PDE10A: variants seen among roughly 807,000 people sequenced by gnomAD.
PDE10A encodes the protein phosphodiesterase 10A.
In PDE10A, 39 loss-of-function variants were observed where a neutral mutation model predicts 97.7. The ratio of observed to expected loss-of-function variants is 0.40; its 90% confidence interval spans 0.31 to 0.52. The LOEUF (loss-of-function observed/expected upper bound fraction) is 0.52, where lower values mean the gene tolerates loss of function less well. Ranked by LOEUF, PDE10A falls within the 20% of genes least tolerant of loss-of-function variation. The probability of loss-of-function intolerance (pLI) is 0.56; values close to 1 mark genes in which losing one functional copy is unlikely to be tolerated. For synonymous variants in PDE10A, 371 were observed against 376.8 expected, an observed-to-expected ratio of 0.98 and a Z score of 0.18; for missense variants, 731 against 1,047.8, an observed-to-expected ratio of 0.70 and a Z score of 4.17.
intron 1 of PDE10A, among the ~76,000 whole-genome samples, chr6:165,601,520 T>C (rs939629437): frequency 2.6e-5 from 4 of 152,198 alleles, no homozygotes; most frequent in East Asian, 3.9e-4. Flanking sequence ...AATGAAAGAA[T>C]TGGTAGACTC....
chr6:165,700,581 A>T (rs1791544519), intron 1 of PDE10A, among the ~76,000 whole-genome samples: 1 of 152,194 alleles, frequency 6.6e-6, no homozygotes, highest in African/African-American at 2.4e-5. Flanking sequence ...AGGTAATGTT[A>T]TATAAAATAA....
At chr6:165,373,598 T>C (rs1784409386) in intron 18 of PDE10A, among the ~76,000 whole-genome samples, 1 of 152,036 alleles carries the variant, frequency 6.6e-6, no homozygotes. Context: ...CTGGAGAGGA[T>C]ATGGAGAAAT....
Position 165,921,229 on chromosome 6 carries a change from T to C in PDE10A, c.-615+66300A>G, listed in dbSNP as rs756688670. On this transcript the variant is annotated intron_variant, in intron 1 of 19. Coordinates refer to the PDE10A transcript ENST00000366882. ...AGGGTCACTAGGTTTCAGCTGCCGG[T>C]AGACTGCATAGAAACAGACTTCACT... Among the ~76,000 whole-genome samples the C allele has an allele frequency of 1.4e-4, 21 of 152,372 alleles. No homozygotes were observed. The South Asian group carries it at 1.5e-3, about 11-fold the overall frequency.
intron 1 of PDE10A, among the ~76,000 whole-genome samples, chr6:165,937,822 A>T (rs1783384682): frequency 6.6e-6 from 1 of 152,230 alleles, no homozygotes; most frequent in South Asian, 2.1e-4. Context: ...GAGACAATTA[A>T]GGACCTACAA....
intron 1 of PDE10A, among the ~76,000 whole-genome samples, chr6:165,637,334 T>C (rs1431223129): frequency 1.3e-5 from 2 of 152,140 alleles, no homozygotes; most frequent in Non-Finnish European, 2.9e-5. Flanking sequence ...GCTTCCAGAA[T>C]GTGGCCCTGA....
chr6:165,485,097 A>G (rs540167), intron 2 of PDE10A, among the ~76,000 whole-genome samples: 44,109 of 151,842 alleles, frequency 0.29, 6,740 homozygotes, highest in African/African-American at 0.39. Flanking sequence ...TCCACTGTGT[A>G]TATGTGGTGA....
chr6:165,491,939 T>C (rs1398315185), intron 2 of PDE10A, among the ~76,000 whole-genome samples: 3 of 150,514 alleles, frequency 2.0e-5, no homozygotes, highest in Non-Finnish European at 4.4e-5. Context: ...TTTGAAAACA[T>C]CCATAAAATT....
intron 1 of PDE10A, among the ~76,000 whole-genome samples, chr6:165,543,802 G>A (rs567025061): frequency 2.0e-5 from 3 of 151,914 alleles, no homozygotes; most frequent in South Asian, 2.1e-4. Context: ...GGGAATATAC[G>A]TAATGCCACT....
chr6:165,973,868 T>G (rs1226902513), intron 1 of PDE10A, among the ~76,000 whole-genome samples: 3 of 152,260 alleles, frequency 2.0e-5, no homozygotes, highest in Non-Finnish European at 4.4e-5. Context: ...GGGCAATTTC[T>G]TTCTTCAATA....
intron 18 of PDE10A, among the ~76,000 whole-genome samples, chr6:165,373,166 T>C (rs1377285219): frequency 1.3e-5 from 2 of 151,086 alleles, no homozygotes; most frequent in African/African-American, 2.4e-5. Context: ...GACATAGGCA[T>C]GGGCAAGGAC....
In PDE10A at chr6:165,655,556, C is replaced by T. The variant is rs150401965; in HGVS notation, c.865+6391G>A. On this transcript the variant is annotated intron_variant, in intron 1 of 21. Coordinates refer to ENST00000539869, the MANE Select transcript of PDE10A (RefSeq NM_001385079.1). The surrounding 1 kb of genome is among the most constrained non-coding windows in gnomAD (Gnocchi z 4.5). ...CACCTCCAAACACCTCCTGAACCAC[C>T]GCGGCATTTTGCTTCTACCATCATC... 5.1e-4 allele frequency among the ~76,000 whole-genome samples: 77 copies of T among 152,228 alleles called. 1 individual carries two copies. Among genetic ancestry groups the T allele is most frequent in the Non-Finnish European group, 2.4e-4 (16 of 68,018 alleles).
chr6:165,740,630 G>C (rs1792697956), intron 1 of PDE10A, among the ~76,000 whole-genome samples: 1 of 152,114 alleles, frequency 6.6e-6, no homozygotes, highest in African/African-American at 2.4e-5. Context: ...ACCACTCCTG[G>C]CCTGTGTGAT....
intron 1 of PDE10A, among the ~76,000 whole-genome samples, chr6:165,801,069 C>T (rs749982188): frequency 7.2e-5 from 11 of 152,244 alleles, no homozygotes; most frequent in Non-Finnish European, 1.5e-4. Flanking sequence ...TACTTGGGAT[C>T]ATCAGTGCTT....
chr6:165,894,646 G>A (rs1021220495), intron 1 of PDE10A: 9 of 417,976 alleles, frequency 2.2e-5, no homozygotes, highest in Non-Finnish European at 2.9e-5. Flanking sequence ...TCTTCCCACC[G>A]AGCATGGGGC....
chr6:165,903,970 G>A (rs1204396281), intron 1 of PDE10A, among the ~76,000 whole-genome samples: 2 of 152,184 alleles, frequency 1.3e-5, no homozygotes, highest in Admixed American at 1.3e-4. Context: ...TTTCACTGGA[G>A]TGGAGAGATG....
intron 1 of PDE10A, among the ~76,000 whole-genome samples, chr6:165,625,853 A>G (rs1325993829): frequency 6.6e-6 from 1 of 152,218 alleles, no homozygotes; most frequent in East Asian, 1.9e-4. Flanking sequence ...TATCAACAGC[A>G]TGGAAACGGA....
chr6:165,698,362 C>A (rs527963716), intron 1 of PDE10A, among the ~76,000 whole-genome samples: 35 of 152,158 alleles, frequency 2.3e-4, no homozygotes, highest in African/African-American at 8.0e-4. Context: ...GAATAAATAA[C>A]CCTAATAAAG....
intron 1 of PDE10A, among the ~76,000 whole-genome samples, chr6:165,888,325 C>T (rs903992584): frequency 1.3e-5 from 2 of 151,500 alleles, no homozygotes; most frequent in African/African-American, 2.4e-5. Context: ...CTCGCTTTGT[C>T]GCCAGCCTGG....
intron 2 of PDE10A, among the ~76,000 whole-genome samples, chr6:165,491,377 C>T (rs1326868947): frequency 6.6e-6 from 1 of 152,180 alleles, no homozygotes; most frequent in Non-Finnish European, 1.5e-5. Flanking sequence ...ACTTAAACTA[C>T]ATCCTACAAC....
Sources: gnomAD v4.1 joint callset for allele counts (sites outside exome capture counted in the v4.1 genomes callset) on GRCh38, gnomAD v4.1.1 for gene constraint, Gnocchi (gnomAD v3.1) non-coding constraint, MANE v1.5 for transcripts, NCBI Gene and HGNC (gene_info 2026-07-23, HGNC 2026-07-21) for gene names.